FKBP1B: variants seen among roughly 807,000 people sequenced by gnomAD.
FKBP1B encodes the protein peptidyl-prolyl cis-trans isomerase FKBP1B.
Under a neutral mutation model 13.5 loss-of-function variants are expected in FKBP1B, and 4 were observed. That is an observed-to-expected ratio of 0.30 (90% CI 0.15 to 0.68). The LOEUF (loss-of-function observed/expected upper bound fraction) is 0.68, where lower values mean the gene tolerates loss of function less well. FKBP1B is among the 30% of genes least tolerant of loss of function. The pLI is 0.76. For synonymous variants in FKBP1B, 54 were observed against 53.6 expected (o/e 1.01, Z -0.03); for missense variants, 93 against 136.2 (o/e 0.68, Z 1.58).
intron 3 of FKBP1B, among the ~76,000 whole-genome samples, chr2:24,061,539 A>G (rs979182447): frequency 2.6e-5 from 4 of 152,210 alleles, no homozygotes; most frequent in African/African-American, 9.6e-5. Flanking sequence ...GAGTAGGCCA[A>G]GAAAATTTTT....
chr2:24,051,148 A>C (rs1663849881), intron 1 of FKBP1B, among the ~76,000 whole-genome samples: 1 of 152,170 alleles, frequency 6.6e-6, no homozygotes, highest in African/African-American at 2.4e-5. Context: ...AGCCTGACCA[A>C]CATGTTGAAA....
At chr2:24,037,797 C>A in the FKBP1B span, 15 of 1,614,218 alleles carry the variant, frequency 9.3e-6, no homozygotes, top group Non-Finnish European at 1.3e-5. Flanking sequence ...CAACCAGGTT[C>A]CTAGATAAAA....
At chr2:24,038,492 T>C in the FKBP1B span, 1 of 1,614,244 alleles carries the variant, frequency 6.2e-7, no homozygotes, top group Middle Eastern at 1.6e-4. Context: ...CCTGGAATAG[T>C]GACTTTTCTC....
At position 24,058,089 on chromosome 2, in the gene FKBP1B, C is replaced by T. The variant is rs562302461; in HGVS notation, c.86-2725C>T. ...GTGCATGCCTGTAATCCCAGCTACT[C>T]GGGAGGCTGAGACAGGAGAATTACT... On this transcript the variant is annotated intron_variant, in intron 2 of 3. Transcript: ENST00000380986. 1.7e-4 allele frequency among the ~76,000 whole-genome samples: 26 copies of T among 151,656 alleles called. No individual in the cohort carries two copies. In the South Asian group the frequency reaches 2.3e-3, roughly 13 times the overall value.
chr2:24,052,832 A>G (rs979840210), intron 1 of FKBP1B, among the ~76,000 whole-genome samples: 4 of 152,054 alleles, frequency 2.6e-5, no homozygotes, highest in Non-Finnish European at 5.9e-5. Context: ...TTAGCTGGGC[A>G]TGGCAGCATG....
chr2:24,058,204 A>G (rs77465113), intron 2 of FKBP1B, among the ~76,000 whole-genome samples: 4 of 140,820 alleles, frequency 2.8e-5, no homozygotes, highest in South Asian at 2.3e-4. Flanking sequence ...CTGTCTCAGG[A>G]AAAAAAAAAA....
intron 2 of FKBP1B, among the ~76,000 whole-genome samples, chr2:24,057,243 G>C (rs1300314047): frequency 6.6e-6 from 1 of 151,626 alleles, no homozygotes; most frequent in Non-Finnish European, 1.5e-5. Flanking sequence ...GGAGTTCAGT[G>C]GCTCTAGTCT....
intron 1 of FKBP1B, 115 bp from the exon 2 acceptor site, chr2:24,053,787 A>C: frequency 1.0e-6 from 1 of 965,236 alleles, no homozygotes; most frequent in Non-Finnish European, 1.7e-6. Context: ...GGCCACAGGC[A>C]TCTCCATGGC....
chr2:24,041,437 C>T, the FKBP1B span, among the ~76,000 whole-genome samples: 1 of 151,590 alleles, frequency 6.6e-6, no homozygotes, highest in Non-Finnish European at 1.5e-5. Flanking sequence ...GCATCATTAA[C>T]AATTTGGTGT....
chr2:24,039,246 C>T, the FKBP1B span: 2 of 1,614,128 alleles, frequency 1.2e-6, no homozygotes, highest in Middle Eastern at 1.6e-4. Context: ...CAGTGACATG[C>T]TTCTCATGCT....
At position 24,051,270 on chromosome 2, in the gene FKBP1B, GTTGCAGTGAGCTGAGA is replaced by G. The variant is rs368132794; in HGVS notation, c.37+1388_37+1403del. 4.0e-4 allele frequency among the ~76,000 whole-genome samples: 61 copies of G among 151,878 alleles called. No individual in the cohort carries two copies. The East Asian group carries it at 0.011, about 27-fold the overall frequency. ...AATCACTTGACCCTGGGAGCCAGAG[GTTGCAGTGAGCTGAGA>G]TTGTGCCATTGCACTCCAGCCTGGG... is the stretch of plus-strand genomic sequence containing the variant. On this transcript the variant is annotated intron_variant, in intron 1 of 3. Transcript: ENST00000380986.
At chr2:24,056,754 A>T (rs535326782) in intron 2 of FKBP1B, among the ~76,000 whole-genome samples, 314 of 151,732 alleles carry the variant, frequency 2.1e-3, no homozygotes, top group African/African-American at 7.4e-3. Flanking sequence ...GCAATGGCGC[A>T]ATCTTCACTC....
In FKBP1B at chr2:24,050,165, C is replaced by T. The variant is rs1663798407; in HGVS notation, c.37+279C>T. ...CGGCCCGCCACCGCCCCGGGCTTCTCCTGTCGCGGCTGCAGTCGTTCGGTT... is the reference window on the plus strand; with the variant it reads ...CGGCCCGCCACCGCCCCGGGCTTCTTCTGTCGCGGCTGCAGTCGTTCGGTT... On this transcript the variant is annotated intron_variant, in intron 1 of 3. Transcript: ENST00000380986. This position sits in a 1 kb window ranked among gnomAD's most constrained non-coding sequence, Gnocchi z 5.8. 3.9e-5 allele frequency among the ~76,000 whole-genome samples: 6 copies of T among 152,194 alleles called. No homozygotes were observed. In the South Asian group the frequency reaches 1.2e-3, roughly 32 times the overall value.
the FKBP1B span, chr2:24,038,721 G>A: frequency 6.2e-7 from 1 of 1,614,170 alleles, no homozygotes; most frequent in Non-Finnish European, 8.5e-7. Flanking sequence ...TATCCATAGA[G>A]CGTACTTCAC....
At chr2:24,038,021 C>T in the FKBP1B span, 1 of 1,614,176 alleles carries the variant, frequency 6.2e-7, no homozygotes, top group Middle Eastern at 1.6e-4. Context: ...AGTGTTCTTC[C>T]AGGCCTTCCA....
chr2:24,035,646 G>A, the FKBP1B span, among the ~76,000 whole-genome samples: 9 of 152,082 alleles, frequency 5.9e-5, no homozygotes, highest in Non-Finnish European at 1.3e-4. Flanking sequence ...TGGGTGCAGT[G>A]GCTCACACCT....
At chr2:24,049,630 G>A (rs1173174225), upstream of FKBP1B, 1 of 371,058 alleles carries the variant, frequency 2.7e-6, no homozygotes, top group South Asian at 1.5e-4. Flanking sequence ...CCCTTCCCCC[G>A]GGCCCCGCCC....
chr2:24,055,434 G>A (rs1163096193), intron 2 of FKBP1B, among the ~76,000 whole-genome samples: 4 of 152,004 alleles, frequency 2.6e-5, no homozygotes, highest in African/African-American at 4.8e-5. Context: ...GGTCTCGAAC[G>A]CCTGTATGCA....
intron 2 of FKBP1B, among the ~76,000 whole-genome samples, chr2:24,058,049 T>C (rs1395863338): frequency 6.6e-6 from 1 of 151,664 alleles, no homozygotes; most frequent in Non-Finnish European, 1.5e-5. Flanking sequence ...ATACAAAAAT[T>C]AGCCAGGCAT....
Sources: allele counts gnomAD v4.1 joint callset (sites outside exome capture counted in the v4.1 genomes callset), GRCh38; gene constraint gnomAD v4.1.1; non-coding constraint Gnocchi (gnomAD v3.1); transcripts MANE v1.5; gene names NCBI Gene and HGNC (gene_info 2026-07-23, HGNC 2026-07-21).